The following PLA2G4C variants were observed in gnomAD, a reference collection of about 807,000 sequenced individuals.
The protein encoded by PLA2G4C is phospholipase A2 group IVC, also known as cytosolic phospholipase A2 gamma.
A neutral mutation model predicts 73.8 loss-of-function variants in PLA2G4C; 64 were observed. The observed-to-expected ratio is 0.87, with a 90% CI of 0.71 to 1.07. The LOEUF (loss-of-function observed/expected upper bound fraction) is 1.07. Ranked by LOEUF, PLA2G4C falls within the 50% of genes least tolerant of loss-of-function variation. PLA2G4C has a pLI of 0.00. For missense variants in PLA2G4C, 622 were observed against 665.4 expected (o/e 0.93, Z 0.72); for synonymous variants, 254 against 252.1 (o/e 1.01, Z -0.07).
intron 1 of PLA2G4C, among the ~76,000 whole-genome samples, chr19:48,106,947 C>T (rs919527934): frequency 6.6e-6 from 1 of 152,060 alleles, no homozygotes; most frequent in Non-Finnish European, 1.5e-5. Flanking sequence ...CGGGTTCAAG[C>T]GATTCTCCTG....
intron 16 of PLA2G4C, among the ~76,000 whole-genome samples, chr19:48,049,173 G>A (rs1444899214): frequency 2.0e-5 from 3 of 152,026 alleles, no homozygotes; most frequent in East Asian, 1.9e-4. Context: ...ATAAATTACC[G>A]AGCCTCAGAT....
At chr19:48,065,263 G>A (rs1266437820) in intron 13 of PLA2G4C, among the ~76,000 whole-genome samples, 1 of 144,966 alleles carries the variant, frequency 6.9e-6, no homozygotes, top group Non-Finnish European at 1.5e-5. Flanking sequence ...TAGAGGTGAG[G>A]GGTGAGGAGG....
intron 1 of PLA2G4C, among the ~76,000 whole-genome samples, chr19:48,109,444 TTA>T (rs2032379819): frequency 6.6e-6 from 1 of 151,844 alleles, no homozygotes; most frequent in African/African-American, 2.4e-5. Context: ...GCTAAATTTT[TTA>T]TGTTTTGTAG....
chr19:48,090,645 G>A (rs1021978501), intron 7 of PLA2G4C: 9 of 530,088 alleles, frequency 1.7e-5, no homozygotes, highest in Admixed American at 1.3e-4. Context: ...TTGTCCTCAC[G>A]AACCTTCTAT....
chr19:48,091,669 A>G (rs2031304387), intron 7 of PLA2G4C, among the ~76,000 whole-genome samples: 1 of 152,062 alleles, frequency 6.6e-6, no homozygotes, highest in Non-Finnish European at 1.5e-5. Flanking sequence ...TGGGCGGATC[A>G]ATTGAAGTCA....
Position 48,110,663 on chromosome 19 carries a change from T to A in PLA2G4C, c.-209A>T. 1 of 545,198 alleles carries A rather than the reference T, an allele frequency of 1.8e-6. No homozygotes were observed. Among genetic ancestry groups the A allele is most frequent in the East Asian group, 4.4e-5 (1 of 22,644 alleles). The allele number at this position is 545,198 out of a possible 1,614,324, so 33.8% of individuals were successfully genotyped here. A position where few individuals can be genotyped will look rare whatever the true frequency, so the allele number is the denominator to read the frequency against. On this transcript the variant is annotated 5_prime_UTR_variant, in exon 1 of 17. Transcript: ENST00000599921. Reference sequence around the variant, plus strand: ...GGTGCCAAAGCTTCTGTGGTCCTCCTGCTTTCCTTTTCCCCCTGTGGGAGG... The same window carrying A: ...GGTGCCAAAGCTTCTGTGGTCCTCCAGCTTTCCTTTTCCCCCTGTGGGAGG...
At chr19:48,070,474 A>C (rs1287321699) in intron 12 of PLA2G4C, among the ~76,000 whole-genome samples, 1 of 152,224 alleles carries the variant, frequency 6.6e-6, no homozygotes, top group Non-Finnish European at 1.5e-5. Flanking sequence ...TCACAATAGC[A>C]AAGACATGGA....
chr19:48,070,996 G>A (rs1303116423), intron 12 of PLA2G4C, among the ~76,000 whole-genome samples: 1 of 152,086 alleles, frequency 6.6e-6, no homozygotes, highest in Non-Finnish European at 1.5e-5. Context: ...GAGCCAATTT[G>A]TTAAAATAAA....
chr19:48,109,444 T>G (rs2032379691), intron 1 of PLA2G4C, among the ~76,000 whole-genome samples: 1 of 151,844 alleles, frequency 6.6e-6, no homozygotes, highest in East Asian at 1.9e-4. Flanking sequence ...GCTAAATTTT[T>G]TATGTTTTGT....
chr19:48,090,568 C>A (rs2031237764), intron 7 of PLA2G4C, 151 bp from the exon 8 acceptor site: 1 of 659,420 alleles, frequency 1.5e-6, no homozygotes, highest in Non-Finnish European at 2.7e-6. Flanking sequence ...ATTTATGAAG[C>A]AATTAGTGGG....
At chr19:48,050,673 CT>C (rs5828330) in intron 16 of PLA2G4C, among the ~76,000 whole-genome samples, 20 of 78,746 alleles carry the variant, frequency 2.5e-4, no homozygotes, top group East Asian at 5.3e-4. Context: ...GAGTATGTGA[CT>C]TTTTTTTTTT....
chr19:48,051,996 C>T (rs1356158219), intron 16 of PLA2G4C: 1 of 151,460 alleles, frequency 6.6e-6, no homozygotes, highest in Non-Finnish European at 1.5e-5. Flanking sequence ...CCTCCCACCT[C>T]AGCCTCCTGA....
chr19:48,072,716 G>C lies in PLA2G4C; in HGVS notation c.1006+2051C>G, dbSNP rs1458550811. On this transcript the variant is annotated intron_variant, in intron 12 of 16. Transcript: ENST00000599921. The surrounding 1 kb of genome is among the most constrained non-coding windows in gnomAD (Gnocchi z 4.4). ...GAATAGACTGATTTCATCCAACAGA[G>C]ATAAAAACAGGAATTTATGTAACAT... is the stretch of plus-strand genomic sequence containing the variant. The C allele has an allele frequency of 6.6e-6, 1 of 152,178 alleles. No individual in the cohort carries two copies. The highest frequency in any genetic ancestry group is 1.5e-5 in the Non-Finnish European group (1 of 68,036). The allele number at this position is 152,178 out of a possible 1,614,324, so 9.4% of individuals were successfully genotyped here. A position where few individuals can be genotyped will look rare whatever the true frequency, so the allele number is the denominator to read the frequency against.
chr19:48,097,927 T>G, intron 6 of PLA2G4C: 1 of 458,812 alleles, frequency 2.2e-6, no homozygotes. Flanking sequence ...CTCTTAAAGG[T>G]TTTCTTGATC....
chr19:48,061,971 A>G, intron 14 of PLA2G4C, 27 bp downstream of exon 14: 1 of 1,611,904 alleles, frequency 6.2e-7, no homozygotes, highest in Non-Finnish European at 8.5e-7. Context: ...CCCACCCAGG[A>G]CCGGCCCCAA....
intron 1 of PLA2G4C, among the ~76,000 whole-genome samples, chr19:48,107,240 C>T (rs937959142): frequency 2.6e-5 from 4 of 152,322 alleles, no homozygotes; most frequent in Non-Finnish European, 5.9e-5. Context: ...CCAAAACTAT[C>T]TTTGTATAGC....
At chr19:48,069,979 A>T (rs1685186308) in intron 12 of PLA2G4C, among the ~76,000 whole-genome samples, 1 of 152,102 alleles carries the variant, frequency 6.6e-6, no homozygotes, top group Non-Finnish European at 1.5e-5. Flanking sequence ...TATGTTGGTC[A>T]GGCTGGTCTC....
rs5828330 is a variant in PLA2G4C at position 48,050,673 on chromosome 19, C to CTTTTTTTTT, written c.1581-2294_1581-2286dup. Among the ~76,000 whole-genome samples the CTTTTTTTTT allele has an allele frequency of 5.5e-4, 43 of 78,744 alleles. 9 individuals are homozygous for CTTTTTTTTT. The highest frequency in any genetic ancestry group is 1.1e-3 in the East Asian group (2 of 1,894). 51.7% of individuals were successfully genotyped at this position (78,744 alleles called of 152,430 possible). A position where few individuals can be genotyped will look rare whatever the true frequency, so the allele number is the denominator to read the frequency against. On this transcript the variant is annotated intron_variant, in intron 16 of 16. Coordinates refer to ENST00000599921, the MANE Select transcript of PLA2G4C (RefSeq NM_003706.3). ...ATCCCTAGAGCCTGTGAGTATGTGA[C>CTTTTTTTTT]TTTTTTTTTTTTTTTTTTTGAGACA...
intron 16 of PLA2G4C, among the ~76,000 whole-genome samples, chr19:48,050,264 C>T (rs1032262808): frequency 1.3e-5 from 2 of 152,080 alleles, no homozygotes; most frequent in African/African-American, 4.8e-5. Context: ...TAATATACAA[C>T]CCCTCATTAG....
Sources: gnomAD v4.1 joint callset for allele counts (sites outside exome capture counted in the v4.1 genomes callset) on GRCh38, gnomAD v4.1.1 for gene constraint, Gnocchi (gnomAD v3.1) non-coding constraint, MANE v1.5 for transcripts, NCBI Gene and HGNC (gene_info 2026-07-23, HGNC 2026-07-21) for gene names.